ANO10: variants seen among roughly 807,000 people sequenced by gnomAD.
The protein encoded by ANO10 is anoctamin-10.
Under a neutral mutation model 74.7 loss-of-function variants are expected in ANO10, and 77 were observed. The ratio of observed to expected loss-of-function variants is 1.03; its 90% CI spans 0.86 to 1.25. The LOEUF (loss-of-function observed/expected upper bound fraction) is 1.25, where lower values mean the gene tolerates loss of function less well. Among genes scored for constraint, ANO10 ranks in the 50% most tolerant of loss-of-function variants. ANO10 has a pLI of 0.00. For synonymous variants in ANO10, 279 were observed against 284.9 expected (o/e 0.98, Z 0.21); for missense variants, 721 against 778.1 (o/e 0.93, Z 0.87).
At chr3:43,566,386 CACAG>C (rs1216910493) in intron 7 of ANO10, among the ~76,000 whole-genome samples, 1 of 152,230 alleles carries the variant, frequency 6.6e-6, no homozygotes, top group African/African-American at 2.4e-5. Context: ...GGGGGCAGGG[CACAG>C]ACAAACAAAA....
At chr3:43,398,432 T>C (rs1367154603) in intron 12 of ANO10, among the ~76,000 whole-genome samples, 1 of 152,258 alleles carries the variant, frequency 6.6e-6, no homozygotes, top group Non-Finnish European at 1.5e-5. Flanking sequence ...TATATCGCTT[T>C]GTAAAAATTC....
intron 1 of ANO10, among the ~76,000 whole-genome samples, chr3:43,686,139 T>C (rs1053928101): frequency 6.6e-6 from 1 of 152,170 alleles, no homozygotes; most frequent in Admixed American, 6.5e-5. Flanking sequence ...CATTCAACTA[T>C]GCGGAGCTCT....
intron 1 of ANO10, among the ~76,000 whole-genome samples, chr3:43,677,396 A>G (rs565272284): frequency 1.5e-4 from 23 of 152,350 alleles, no homozygotes; most frequent in African/African-American, 5.5e-4. Context: ...TAAAAGTACA[A>G]AAAACAAATT....
intron 1 of ANO10, among the ~76,000 whole-genome samples, chr3:43,668,802 C>A (rs2084021749): frequency 6.6e-6 from 1 of 151,896 alleles, no homozygotes; most frequent in Admixed American, 6.6e-5. Flanking sequence ...ATTGATATAC[C>A]TAGATTAATA....
intron 11 of ANO10, among the ~76,000 whole-genome samples, chr3:43,466,246 C>T (rs900623600): frequency 9.3e-5 from 14 of 151,220 alleles, no homozygotes; most frequent in Admixed American, 7.3e-4. Flanking sequence ...TGGTGCGTGC[C>T]GGTAGTTCCA....
At chr3:43,679,069 A>G (rs2084159874) in intron 1 of ANO10, among the ~76,000 whole-genome samples, 2 of 152,116 alleles carry the variant, frequency 1.3e-5, no homozygotes, top group African/African-American at 4.8e-5. Flanking sequence ...GGTTTATCGC[A>G]CTGGGGAGTG....
At chr3:43,395,527 G>A (rs998666313) in intron 12 of ANO10, among the ~76,000 whole-genome samples, 3 of 152,070 alleles carry the variant, frequency 2.0e-5, no homozygotes, top group African/African-American at 4.8e-5. Context: ...TTCCAGAACC[G>A]TTTATTGAAA....
intron 1 of ANO10, among the ~76,000 whole-genome samples, chr3:43,676,253 G>T (rs1423065768): frequency 6.6e-6 from 1 of 151,820 alleles, no homozygotes; most frequent in Non-Finnish European, 1.5e-5. Context: ...GAGCCTGGGA[G>T]TTTGACACCA....
At chr3:43,674,314 C>T (rs980283860) in intron 1 of ANO10, among the ~76,000 whole-genome samples, 2 of 152,090 alleles carry the variant, frequency 1.3e-5, no homozygotes, top group South Asian at 4.1e-4. Context: ...TAATTGTTTA[C>T]TTATTTTTAT....
At chr3:43,669,437 G>A (rs1047627010) in intron 1 of ANO10, among the ~76,000 whole-genome samples, 1 of 152,086 alleles carries the variant, frequency 6.6e-6, no homozygotes, top group Non-Finnish European at 1.5e-5. Flanking sequence ...TTCACATTGA[G>A]TCTCCAGCAA....
rs142779145 is a variant in ANO10 at position 43,653,908 on chromosome 3, C to T, written c.-12+37609G>A. Among the ~76,000 whole-genome samples, 3 of 142,878 alleles carry T rather than the reference C, an allele frequency of 2.1e-5. No homozygotes were observed. In the East Asian group the frequency reaches 6.4e-4, roughly 31 times the overall value. 93.7% of individuals were successfully genotyped at this position (142,878 alleles called of 152,430 possible). The stretch of plus-strand genomic sequence containing the variant: ...ACACTTAATACATGTCAGTGAGATG[C>T]AAAGAGCAGTTTGCTGGGGTTTTTT... On this transcript the variant is annotated intron_variant, in intron 1 of 3. Coordinates refer to the ANO10 transcript ENST00000413397.
intron 11 of ANO10, among the ~76,000 whole-genome samples, chr3:43,501,811 G>T (rs900984535): frequency 6.6e-6 from 1 of 152,148 alleles, no homozygotes; most frequent in Non-Finnish European, 1.5e-5. Flanking sequence ...TATGGAGAAG[G>T]GGAGGAGGAT....
intron 11 of ANO10, among the ~76,000 whole-genome samples, chr3:43,520,317 T>C (rs1023400606): frequency 6.6e-6 from 1 of 152,178 alleles, no homozygotes; most frequent in Non-Finnish European, 1.5e-5. Flanking sequence ...ACAACAGAAA[T>C]TTATTTCTCA....
chr3:43,469,113 G>A (rs1216011977), intron 11 of ANO10, among the ~76,000 whole-genome samples: 1 of 141,374 alleles, frequency 7.1e-6, no homozygotes, highest in Non-Finnish European at 1.5e-5. Context: ...CACGATCTTG[G>A]CTCACTGCAA....
At position 43,643,590 on chromosome 3, in the gene ANO10, T is replaced by C. The variant is rs1291103196; in HGVS notation, c.-11-37727A>G. On this transcript the variant is annotated intron_variant, in intron 1 of 3. Transcript: ENST00000413397. ...CATTTCTTTTCGCTCTGTTCTCACA[T>C]TTCTCTCTTTTCATGACTTTTGCCC... Among the ~76,000 whole-genome samples the C allele has an allele frequency of 1.3e-5, 2 of 151,808 alleles. 1 individual carries two copies. The highest frequency in any genetic ancestry group is 4.9e-5 in the African/African-American group (2 of 41,164).
intron 10 of ANO10, among the ~76,000 whole-genome samples, chr3:43,551,969 T>G (rs1361293018): frequency 6.6e-6 from 1 of 152,186 alleles, no homozygotes; most frequent in African/African-American, 2.4e-5. Flanking sequence ...CATTTCCTTG[T>G]TTTCTGTTTG....
intron 11 of ANO10, among the ~76,000 whole-genome samples, chr3:43,505,041 T>A (rs543170130): frequency 1.3e-5 from 2 of 152,342 alleles, no homozygotes; most frequent in Admixed American, 6.5e-5. Flanking sequence ...TCTTTTGAAT[T>A]CTATTAAGTG....
chr3:43,627,662 G>C (rs1396861056), intron 1 of ANO10, among the ~76,000 whole-genome samples: 1 of 152,220 alleles, frequency 6.6e-6, no homozygotes, highest in East Asian at 1.9e-4. Context: ...AGAGCCTGAA[G>C]TTGTTTTTAG....
chr3:43,521,994 C>T (rs982864136), intron 11 of ANO10, among the ~76,000 whole-genome samples: 1 of 152,176 alleles, frequency 6.6e-6, no homozygotes, highest in Non-Finnish European at 1.5e-5. Flanking sequence ...CATACTATAA[C>T]ATGGGTAAGA....
Sources: gnomAD v4.1 joint callset for allele counts (sites outside exome capture counted in the v4.1 genomes callset) on GRCh38, gnomAD v4.1.1 for gene constraint, MANE v1.5 for transcripts, NCBI Gene and HGNC (gene_info 2026-07-23, HGNC 2026-07-21) for gene names.